Variants in PDZRN4 observed in about 807,000 individuals in gnomAD.
PDZRN4 encodes the protein PDZ domain-containing RING finger protein 4.
PDZRN4 carries 70 observed loss-of-function variants against 99.0 expected under a neutral mutation model. The ratio of observed to expected loss-of-function variants is 0.71; its 90% CI spans 0.58 to 0.86. PDZRN4 has a LOEUF of 0.86. PDZRN4 is among the 40% of genes least tolerant of loss of function. The pLI is 0.00. For missense variants in PDZRN4, 1,474 were observed against 1,331.2 expected (o/e 1.11, Z -1.67); for synonymous variants, 551 against 501.6 (o/e 1.10, Z -1.32).
intron 5 of PDZRN4, among the ~76,000 whole-genome samples, chr12:41,514,280 C>G (rs1231639991): frequency 6.6e-6 from 1 of 151,992 alleles, no homozygotes. Context: ...AATCCTTGTG[C>G]TGTGCTGAGA....
At chr12:41,384,155 C>T (rs375660539) in intron 3 of PDZRN4, among the ~76,000 whole-genome samples, 2 of 151,952 alleles carry the variant, frequency 1.3e-5, no homozygotes, top group South Asian at 4.2e-4. Flanking sequence ...CAGGGCCTCA[C>T]TCCCATCACC....
chr12:41,213,497 C>A (rs1039575014), intron 3 of PDZRN4, among the ~76,000 whole-genome samples: 1 of 152,072 alleles, frequency 6.6e-6, no homozygotes, highest in Non-Finnish European at 1.5e-5. Flanking sequence ...ACTGACAGTT[C>A]ACTTGTACAG....
intron 5 of PDZRN4, among the ~76,000 whole-genome samples, chr12:41,544,555 G>A (rs750435686): frequency 6.6e-6 from 1 of 152,114 alleles, no homozygotes. Context: ...CATATCTAAT[G>A]CTGTGGGATA....
chr12:41,328,536 A>G (rs1951723693), intron 3 of PDZRN4, among the ~76,000 whole-genome samples: 2 of 152,098 alleles, frequency 1.3e-5, no homozygotes, highest in South Asian at 2.1e-4. Context: ...AATAGAATAT[A>G]TATACAATTG....
chr12:41,260,052 T>G (rs558981194), intron 3 of PDZRN4, among the ~76,000 whole-genome samples: 19 of 152,276 alleles, frequency 1.2e-4, no homozygotes, highest in African/African-American at 4.1e-4. Flanking sequence ...TTTGGAATTG[T>G]TTTGTATTAG....
intron 3 of PDZRN4, among the ~76,000 whole-genome samples, chr12:41,401,340 A>G (rs750001252): frequency 7.9e-5 from 12 of 152,204 alleles, no homozygotes; most frequent in Admixed American, 2.0e-4. Flanking sequence ...AGTAGCTCAT[A>G]AAAGTAACAT....
At chr12:41,557,148 CAAA>C (rs112787721) in intron 7 of PDZRN4, among the ~76,000 whole-genome samples, 3 of 57,978 alleles carry the variant, frequency 5.2e-5, no homozygotes, top group Non-Finnish European at 9.2e-5. Flanking sequence ...GAGACACTCT[CAAA>C]AAAAAAAAAA....
Position 41,573,558 on chromosome 12 carries a change from A to G in PDZRN4, c.2779A>G (p.Thr927Ala), listed in dbSNP as rs988780162. 1 of 1,612,950 alleles carries G rather than the reference A, an allele frequency of 6.2e-7. No homozygotes were observed. ...KIKEERSGMT[T>A]DDDTMSEMKM... is the part of the protein sequence containing the mutation. ...CAAGGAAGAGCGGAGTGGCATGACCACAGACGATGACACCATGAGCGAGAT... is the reference window on the plus strand; with the variant it reads ...CAAGGAAGAGCGGAGTGGCATGACCGCAGACGATGACACCATGAGCGAGAT... Residue 927 changes from threonine to alanine, a missense_variant, in exon 10 of 10, where the codon ACA becomes GCA. By Grantham distance (58) the Thr-to-Ala change is moderately conservative. Coordinates refer to ENST00000402685, the MANE Select transcript of PDZRN4 (RefSeq NM_001164595.2).
intron 3 of PDZRN4, among the ~76,000 whole-genome samples, chr12:41,292,938 T>C (rs1951465602): frequency 6.6e-6 from 1 of 151,634 alleles, no homozygotes; most frequent in Admixed American, 6.6e-5. Flanking sequence ...GCAGCTCTCT[T>C]AGGAGGCTCT....
At chr12:41,209,521 G>A (rs1324619708) in intron 3 of PDZRN4, among the ~76,000 whole-genome samples, 5 of 88,936 alleles carry the variant, frequency 5.6e-5, no homozygotes, top group African/African-American at 1.3e-4. Flanking sequence ...AACAGGCCCC[G>A]ATGTGTGATG....
Position 41,455,916 on chromosome 12 carries a change from T to C in PDZRN4, c.844-50540T>C, listed in dbSNP as rs545019222. On this transcript the variant is annotated intron_variant, in intron 3 of 9. Transcript: ENST00000402685. ...AACCATTGTCTACATTGTCTACTCA[T>C]GTGTGTCCCTCACCCTGTCCCCTCA... is the stretch of plus-strand genomic sequence containing the variant. Among the ~76,000 whole-genome samples the C allele has an allele frequency of 3.3e-5, 5 of 152,342 alleles. No individual in the cohort carries two copies. In the East Asian group the frequency reaches 5.8e-4, roughly 18 times the overall value.
intron 5 of PDZRN4, among the ~76,000 whole-genome samples, chr12:41,547,170 A>G (rs895130281): frequency 2.0e-5 from 3 of 152,138 alleles, no homozygotes; most frequent in African/African-American, 7.2e-5. Flanking sequence ...AGAAGGGGGA[A>G]AAAACCTTCC....
At chr12:41,235,489 C>T (rs1489163803) in intron 3 of PDZRN4, among the ~76,000 whole-genome samples, 1 of 152,158 alleles carries the variant, frequency 6.6e-6, no homozygotes, top group East Asian at 1.9e-4. Context: ...AGGCAGACTT[C>T]ACCCATGAAG....
chr12:41,237,749 G>A (rs577292001), intron 3 of PDZRN4, among the ~76,000 whole-genome samples: 11 of 152,144 alleles, frequency 7.2e-5, no homozygotes, highest in South Asian at 2.1e-4. Flanking sequence ...GCTTGTTTTC[G>A]TCAGCTTTGT....
chr12:41,230,121 G>T (rs954723780), intron 3 of PDZRN4, among the ~76,000 whole-genome samples: 2 of 151,948 alleles, frequency 1.3e-5, no homozygotes, highest in Non-Finnish European at 1.5e-5. Context: ...GGACATTGCT[G>T]CTGGGGAGGG....
chr12:41,415,518 T>C (rs2120391336), intron 3 of PDZRN4, among the ~76,000 whole-genome samples: 1 of 152,108 alleles, frequency 6.6e-6, no homozygotes, highest in East Asian at 1.9e-4. Context: ...GGCCTATGAA[T>C]AGGAAAATAT....
chr12:41,286,393 A>T (rs1021896322), intron 3 of PDZRN4, among the ~76,000 whole-genome samples: 1 of 127,698 alleles, frequency 7.8e-6, no homozygotes, highest in Non-Finnish European at 1.6e-5. Context: ...CCCACTGCAG[A>T]CTTTAGCAGC....
intron 3 of PDZRN4, among the ~76,000 whole-genome samples, chr12:41,419,113 C>A (rs1952470123): frequency 6.6e-6 from 1 of 152,060 alleles, no homozygotes; most frequent in Non-Finnish European, 1.5e-5. Context: ...TAGCAATAAC[C>A]CTGTATTAGG....
intron 3 of PDZRN4, among the ~76,000 whole-genome samples, chr12:41,326,155 T>TGCAA (rs5797726): frequency 6.7e-6 from 1 of 149,528 alleles, no homozygotes; most frequent in East Asian, 2.0e-4. Flanking sequence ...GGCTAATTTT[T>TGCAA]TTTTTAGAGA....
Sources: gnomAD v4.1 joint callset for allele counts (sites outside exome capture counted in the v4.1 genomes callset) on GRCh38, gnomAD v4.1.1 for gene constraint, MANE v1.5 for transcripts, NCBI Gene and HGNC (gene_info 2026-07-23, HGNC 2026-07-21) for gene names.